Variants in DNAH14 observed in about 807,000 individuals in gnomAD.
The protein encoded by DNAH14 is axonemal beta dynein heavy chain 14.
DNAH14 carries 478 observed loss-of-function variants against 520.9 expected under a neutral mutation model. That is an observed-to-expected ratio of 0.92 (90% CI 0.85 to 0.99). The LOEUF (loss-of-function observed/expected upper bound fraction) is 0.99. DNAH14 is among the 50% of genes least tolerant of loss of function. DNAH14 has a pLI of 0.00. For missense variants in DNAH14, 4,831 were observed against 5,234.5 expected (o/e 0.92, Z 2.38); for synonymous variants, 1,581 against 1,757.2 (o/e 0.90, Z 2.51).
chr1:225,350,632 C>G (rs1445295714), intron 71 of DNAH14, among the ~76,000 whole-genome samples: 2 of 151,866 alleles, frequency 1.3e-5, no homozygotes, highest in Non-Finnish European at 2.9e-5. Context: ...CAATTGTATG[C>G]CAATGAATTG....
chr1:225,324,097 T>G, intron 62 of DNAH14, 125 bp from the exon 63 acceptor site: 6 of 1,229,836 alleles, frequency 4.9e-6, no homozygotes, highest in Non-Finnish European at 6.7e-6. Flanking sequence ...TTTATAGGCA[T>G]GAGCCGCCGC....
intron 21 of DNAH14, among the ~76,000 whole-genome samples, chr1:225,086,768 C>T (rs143890658): frequency 3.5e-4 from 53 of 151,656 alleles, no homozygotes; most frequent in African/African-American, 1.2e-3. Context: ...AATAAAACAC[C>T]CACAATAGAA....
chr1:225,048,872 T>C (rs1467501064), intron 15 of DNAH14, among the ~76,000 whole-genome samples: 1 of 152,126 alleles, frequency 6.6e-6, no homozygotes, highest in Non-Finnish European at 1.5e-5. Context: ...GCACTTGGTA[T>C]TGCCAGATTA....
intron 77 of DNAH14, among the ~76,000 whole-genome samples, chr1:225,369,503 C>T (rs2095592298): frequency 6.6e-6 from 1 of 151,162 alleles, no homozygotes. Context: ...TATATACACA[C>T]ATGTATATAT....
In DNAH14 at chr1:225,346,499, CTT is replaced by C. The variant is rs1558477947; in HGVS notation, c.11144_11145del (p.Phe3715SerfsTer12). 1 of 1,550,938 alleles carries C rather than the reference CTT, an allele frequency of 6.4e-7. No homozygotes were observed. The highest frequency in any genetic ancestry group is 2.0e-5 in the Admixed American group (1 of 50,842). The stretch of plus-strand genomic sequence containing the variant: ...TTTAATGAAGATAAACTTTGCTTCT[CTT>C]TTCGGCTTTGCACTGTAATCATGCA... On this transcript the variant is annotated frameshift_variant, in exon 71 of 86. Transcript: ENST00000682510. LOFTEE classifies it high-confidence loss of function.
intron 6 of DNAH14, chr1:224,967,834 G>A: frequency 1.5e-6 from 2 of 1,311,690 alleles, no homozygotes; most frequent in Non-Finnish European, 9.7e-7. Context: ...TTAATACTTG[G>A]GGTAAATTTT....
intron 8 of DNAH14, among the ~76,000 whole-genome samples, chr1:224,977,321 A>C (rs147326743): frequency 8.8e-6 from 1 of 114,136 alleles, no homozygotes; most frequent in Non-Finnish European, 1.7e-5. Context: ...GGAACATCAC[A>C]CTCTGGGGAC....
chr1:225,234,151 C>A (rs2091370823), intron 42 of DNAH14, among the ~76,000 whole-genome samples: 1 of 152,092 alleles, frequency 6.6e-6, no homozygotes. Context: ...GTCTCTGTGT[C>A]TGTTTTTGTG....
intron 60 of DNAH14, among the ~76,000 whole-genome samples, chr1:225,314,927 T>C (rs972884754): frequency 3.3e-5 from 5 of 152,222 alleles, no homozygotes; most frequent in Admixed American, 1.3e-4. Context: ...AGGGTTGCTC[T>C]TCTCGAGGAG....
chr1:225,122,433 A>G (rs998856391), intron 26 of DNAH14, among the ~76,000 whole-genome samples: 4 of 152,138 alleles, frequency 2.6e-5, no homozygotes, highest in Non-Finnish European at 5.9e-5. Flanking sequence ...ACTACTTGTG[A>G]CACTCTACTG....
At chr1:225,151,873 T>C in intron 31 of DNAH14, 132 bp from the exon 32 acceptor site, 1 of 815,260 alleles carries the variant, frequency 1.2e-6, no homozygotes, top group Non-Finnish European at 2.1e-6. Context: ...CTCACCATTG[T>C]TTTTTCCAGT....
At chr1:224,991,084 C>CATTTTTTTTTTTTTTTTTT (rs1558617220) in intron 8 of DNAH14, among the ~76,000 whole-genome samples, 1 of 77,900 alleles carries the variant, frequency 1.3e-5, no homozygotes. Context: ...TGATGTTGAG[C>CATTTTTTTTTTTTTTTTTT]TTTTTTTTTT....
rs781487885 is a variant in DNAH14 at position 225,324,795 on chromosome 1, G to T, written c.9686G>T (p.Arg3229Leu). 2.7e-5 allele frequency: 42 copies of T among 1,551,282 alleles called. No homozygotes were observed. The African/African-American group carries it at 4.7e-4, about 17-fold the overall frequency. ...GCTCAAAACGTCCTTAAAATTGCGC[G>T]ACAAAGACTTGCTGAGAAACAAAGA... ...AEAQNVLKIA[R>L]QRLAEKQRGL... Residue 3229 changes from arginine (R) to leucine (L), a missense_variant, in exon 64 of 86, where the codon CGA (arginine) becomes CTA (leucine). Arg to Leu is a moderately radical substitution (Grantham distance 102). Transcript: ENST00000682510.
At chr1:225,115,601 C>A (rs919460128) in intron 23 of DNAH14, among the ~76,000 whole-genome samples, 3 of 152,192 alleles carry the variant, frequency 2.0e-5, no homozygotes, top group South Asian at 4.2e-4. Flanking sequence ...AATTATCTGC[C>A]CATATAGGCC....
At chr1:225,122,435 A>G (rs1230965639) in intron 26 of DNAH14, among the ~76,000 whole-genome samples, 1 of 152,120 alleles carries the variant, frequency 6.6e-6, no homozygotes, top group East Asian at 1.9e-4. Context: ...TACTTGTGAC[A>G]CTCTACTGTG....
chr1:225,336,008 TACGC>T (rs1231304418), intron 66 of DNAH14, among the ~76,000 whole-genome samples: 11 of 95,738 alleles, frequency 1.1e-4, no homozygotes, highest in African/African-American at 3.6e-4. Context: ...CATATATGTA[TACGC>T]ATATATGCAT....
At chr1:225,059,086 AC>A in intron 17 of DNAH14, among the ~76,000 whole-genome samples, 1 of 152,198 alleles carries the variant, frequency 6.6e-6, no homozygotes, top group African/African-American at 2.4e-5. Context: ...ATCCTTGTTA[AC>A]TTTCTGTCTT....
chr1:225,298,564 G>A lies in DNAH14; in HGVS notation c.8470-2305G>A, dbSNP rs149932663. ...TGCACAGCTGGGGTTGTGGCATATA[G>A]ACACCCATGTGGACTTGGTGGAAGA... On this transcript the variant is annotated intron_variant, in intron 55 of 85. Coordinates refer to ENST00000682510, the MANE Select transcript of DNAH14 (RefSeq NM_001367479.1). Among the ~76,000 whole-genome samples the A allele has an allele frequency of 1.6e-3, 243 of 152,284 alleles. 5 individuals are homozygous for A. The highest frequency in any genetic ancestry group is 2.5e-4 in the Non-Finnish European group (17 of 68,022).
rs1294279158 is a variant in DNAH14, at chr1:225,206,177, A to G, written c.6184A>G (p.Met2062Val). Residue 2062 changes from methionine (M) to valine (V), a missense_variant and splice_region_variant, in exon 40 of 86, where the codon ATG (methionine) becomes GTG (valine). Coordinates refer to ENST00000682510, the MANE Select transcript of DNAH14 (RefSeq NM_001367479.1). ...TGTCAGCCGATGTGCCATGGTCTATATGGTAAGCTTTCAAAAACAAATGTT... is the reference window on the plus strand; with the variant it reads ...TGTCAGCCGATGTGCCATGGTCTATGTGGTAAGCTTTCAAAAACAAATGTT... ...ATVSRCAMVY[M>V]DPVDLGWEPY... 3.9e-6 allele frequency: 6 copies of G among 1,535,748 alleles called. No homozygotes were observed. The highest frequency in any genetic ancestry group is 2.6e-6 in the Non-Finnish European group (3 of 1,136,628).
Sources: allele counts gnomAD v4.1 joint callset (sites outside exome capture counted in the v4.1 genomes callset), GRCh38; gene constraint gnomAD v4.1.1; transcripts MANE v1.5; gene names NCBI Gene and HGNC (gene_info 2026-07-23, HGNC 2026-07-21).